The following SPAG9 variants were observed in gnomAD, a reference collection of about 807,000 sequenced individuals.
SPAG9 encodes the protein sperm associated antigen 9.
In SPAG9, 35 loss-of-function variants were observed where a neutral mutation model predicts 166.5. The ratio of observed to expected loss-of-function variants is 0.21; its 90% CI spans 0.16 to 0.28. SPAG9 has a LOEUF of 0.28. Among genes scored for constraint, SPAG9 ranks in the 10% least tolerant of loss-of-function variants. The pLI, the probability that SPAG9 is intolerant of heterozygous loss-of-function variation, is 1.00. For missense variants in SPAG9, 1,235 were observed against 1,603.3 expected, an observed-to-expected ratio of 0.77 and a Z score of 3.92; for synonymous variants, 534 against 565.5, an observed-to-expected ratio of 0.94 and a Z score of 0.79.
intron 2 of SPAG9, among the ~76,000 whole-genome samples, chr17:51,076,051 C>T (rs536117921): frequency 8.6e-5 from 13 of 150,310 alleles, no homozygotes; most frequent in South Asian, 6.3e-4. Context: ...GCCAAGATCG[C>T]GCCACTGCAC....
intron 6 of SPAG9, among the ~76,000 whole-genome samples, chr17:51,028,543 C>T (rs1348808549): frequency 2.0e-5 from 3 of 152,202 alleles, no homozygotes; most frequent in African/African-American, 7.2e-5. Context: ...ACATGCTGCA[C>T]AGGTTGCAGC....
chr17:51,119,753 T>C (rs1193411076), intron 1 of SPAG9, among the ~76,000 whole-genome samples: 4 of 152,286 alleles, frequency 2.6e-5, no homozygotes, highest in Non-Finnish European at 5.9e-5. Context: ...CGAAATTGTT[T>C]ATATATTTAT....
At chr17:50,988,130 C>T (rs992962630) in intron 21 of SPAG9, among the ~76,000 whole-genome samples, 1 of 152,118 alleles carries the variant, frequency 6.6e-6, no homozygotes, top group Non-Finnish European at 1.5e-5. Flanking sequence ...GCAGGAGAAT[C>T]GCTTGAACCT....
intron 24 of SPAG9, among the ~76,000 whole-genome samples, 166 bp from the exon 25 acceptor site, chr17:50,982,838 G>A (rs1337339246): frequency 1.3e-5 from 2 of 152,148 alleles, no homozygotes; most frequent in Non-Finnish European, 2.9e-5. Flanking sequence ...TATTCCATAA[G>A]CTGCAAAGTT....
At position 51,031,391 on chromosome 17, in the gene SPAG9, C is replaced by T. The variant is rs1257624734; in HGVS notation, c.783+290G>A. 12 of 416,972 alleles carry T rather than the reference C, an allele frequency of 2.9e-5. No individual in the cohort carries two copies. The East Asian group carries it at 5.4e-4, about 19-fold the overall frequency. The allele number at this position is 416,972 out of a possible 1,614,324, so 25.8% of individuals were successfully genotyped here. Reference sequence around the variant, plus strand: ...GAAGAAGGTATTTCTGGAAAGTATACCATTACATAGAGCTGGATAAATGCA... The same window carrying T: ...GAAGAAGGTATTTCTGGAAAGTATATCATTACATAGAGCTGGATAAATGCA... On this transcript the variant is annotated intron_variant, in intron 6 of 29. Transcript: ENST00000262013.
chr17:50,966,307 A>T lies in SPAG9; in HGVS notation c.3931T>A (p.Leu1311Met), dbSNP rs1973360144. Residue 1311 changes from leucine to methionine, a missense_variant, in exon 30 of 30, where the codon TTG (leucine) becomes ATG (methionine). This residue lies in a region of SPAG9 where 243 missense variants were observed against 358.6 expected (regional missense o/e 0.68). Coordinates refer to ENST00000262013, the MANE Select transcript of SPAG9 (RefSeq NM_001130528.3). ...PSVTKAERSH[L>M]IVWQVMYGNE ...CCATACATCACTTGCCACACTATCA[A>T]GTGACTCCTTTCTGCTTTGGTGACA... is the stretch of plus-strand genomic sequence containing the variant. 18 of 1,613,878 alleles carry T rather than the reference A, an allele frequency of 1.1e-5. No homozygotes were observed. The highest frequency in any genetic ancestry group is 1.5e-5 in the Non-Finnish European group (18 of 1,179,778).
At chr17:50,998,676 TC>T (rs2044788878) in intron 14 of SPAG9, 59 bp from the exon 15 acceptor site, 2 of 1,505,914 alleles carry the variant, frequency 1.3e-6, no homozygotes, top group East Asian at 4.5e-5. Context: ...TCCTTGATTT[TC>T]CACAAACTTT....
At chr17:51,075,324 G>GA (rs1299747141) in intron 2 of SPAG9, among the ~76,000 whole-genome samples, 3 of 151,380 alleles carry the variant, frequency 2.0e-5, no homozygotes, top group Non-Finnish European at 4.4e-5. Context: ...TAATGTATGT[G>GA]AAATAATTAG....
In SPAG9 at chr17:50,965,721, T is replaced by C. The variant is rs996690926; in HGVS notation, c.*551A>G. The C allele has an allele frequency of 6.5e-6, 1 of 152,974 alleles. No homozygotes were observed. Among genetic ancestry groups the C allele is most frequent in the Non-Finnish European group, 1.5e-5 (1 of 68,512 alleles). 9.5% of individuals were successfully genotyped at this position (152,974 alleles called of 1,614,324 possible). A position where few individuals can be genotyped will look rare whatever the true frequency, so the allele number is the denominator to read the frequency against. ...GATGAAAACAAAGTTTTATATACCA[T>C]ATAAACAAGATTTGTCAGATTTGAA... On this transcript the variant is annotated 3_prime_UTR_variant, in exon 30 of 30. Coordinates refer to ENST00000262013, the MANE Select transcript of SPAG9 (RefSeq NM_001130528.3).
chr17:51,006,242 G>A lies in SPAG9; in HGVS notation c.1272-5C>T. 1 of 1,612,872 alleles carries A rather than the reference G, an allele frequency of 6.2e-7. No homozygotes were observed. Among genetic ancestry groups the A allele is most frequent in the South Asian group, 1.1e-5 (1 of 91,020 alleles). ...TTCACTATGTTCAAAGCATTTCTAA[G>A]AAACACATATTTCAAGTGCATCATT... is the stretch of plus-strand genomic sequence containing the variant. On this transcript the variant is annotated splice_polypyrimidine_tract_variant and splice_region_variant and intron_variant, in intron 10 of 29. Transcript: ENST00000262013.
rs563368061 is a variant in SPAG9, at chr17:50,995,507, C to T, written c.1995G>A (p.Lys665=). The T allele has an allele frequency of 6.2e-7, 1 of 1,610,972 alleles. No homozygotes were observed. The highest frequency in any genetic ancestry group is 1.1e-5 in the South Asian group (1 of 90,960). ...KQVTNGQGEN[K]MKNLPVPVYL... ...AGACAGGCACAGGTAAATTTTTCAT[C>T]TTATTTTCACCTTGACCATTGGTTA... is the stretch of plus-strand genomic sequence containing the variant. Residue 665 remains lysine (K), a synonymous_variant, in exon 17 of 30, where the codon AAG becomes AAA. Coordinates refer to ENST00000262013, the MANE Select transcript of SPAG9 (RefSeq NM_001130528.3).
At chr17:51,053,852 AAAGTATATATATAT>A (rs1425501741) in intron 3 of SPAG9, among the ~76,000 whole-genome samples, 53 of 49,312 alleles carry the variant, frequency 1.1e-3, no homozygotes, top group African/African-American at 5.5e-3. Flanking sequence ...AAAAAAAAAA[AAAGTATATATATAT>A]ATATATATAT....
rs1597905148 is a variant in SPAG9, at chr17:50,982,595, C to T, written c.3166G>A (p.Val1056Ile). ...PHHSIRCMTV[V>I]HDKVWCGYRN... ...TAGCCACACCAGACTTTGTCATGTA[C>T]CACAGTCATGCAACGGATGGAATGA... The change falls in exon 25 of 30, where the codon GTA (valine) becomes ATA (isoleucine). Residue 1056 changes from valine to isoleucine, a missense_variant. Physicochemically the swap from Val to Ile is conservative, Grantham distance 29. Coordinates refer to ENST00000262013, the MANE Select transcript of SPAG9 (RefSeq NM_001130528.3). 2 of 1,613,888 alleles carry T rather than the reference C, an allele frequency of 1.2e-6. No homozygotes were observed. The highest frequency in any genetic ancestry group is 1.7e-6 in the Non-Finnish European group (2 of 1,179,868).
intron 1 of SPAG9, among the ~76,000 whole-genome samples, chr17:51,100,271 G>A (rs1053497081): frequency 6.6e-6 from 1 of 151,954 alleles, no homozygotes; most frequent in African/African-American, 2.4e-5. Context: ...AGCCAATTAT[G>A]GACTGAATTC....
Position 50,995,439 on chromosome 17 carries a change from C to T in SPAG9, c.2058+5G>A. 1 of 1,588,268 alleles carries T rather than the reference C, an allele frequency of 6.3e-7. No individual in the cohort carries two copies. The highest frequency in any genetic ancestry group is 8.6e-7 in the Non-Finnish European group (1 of 1,159,050). On this transcript the variant is annotated splice_donor_5th_base_variant and intron_variant, in intron 17 of 29. Transcript: ENST00000262013. Reference sequence around the variant, plus strand: ...ACATCTCCTTTTAATTCACAATGAACTTACCTTCATTGATGTATCTTTTTC... The same window carrying T: ...ACATCTCCTTTTAATTCACAATGAATTTACCTTCATTGATGTATCTTTTTC...
At chr17:51,022,313 T>C (rs1287225183) in intron 6 of SPAG9, among the ~76,000 whole-genome samples, 1 of 151,734 alleles carries the variant, frequency 6.6e-6, no homozygotes, top group Non-Finnish European at 1.5e-5. Flanking sequence ...GCACCAAACT[T>C]TGGGCAGTGA....
At chr17:50,970,884 A>G (rs1973736240) in intron 28 of SPAG9, 28 bp from the exon 29 acceptor site, 1 of 1,584,150 alleles carries the variant, frequency 6.3e-7, no homozygotes, top group Non-Finnish European at 8.6e-7. Context: ...AAAAGTGAAT[A>G]TTACTTATCA....
At chr17:51,087,510 T>G (rs1383639727) in intron 1 of SPAG9, among the ~76,000 whole-genome samples, 1 of 152,156 alleles carries the variant, frequency 6.6e-6, no homozygotes, top group Non-Finnish European at 1.5e-5. Flanking sequence ...TGAGAATAGT[T>G]TCTTTGTCTC....
At chr17:51,089,959 G>T (rs1476267745) in intron 1 of SPAG9, among the ~76,000 whole-genome samples, 1 of 151,386 alleles carries the variant, frequency 6.6e-6, no homozygotes, top group African/African-American at 2.4e-5. Flanking sequence ...TTACAGGCGT[G>T]AGCCACCGTG....
Sources: gnomAD v4.1 joint callset for allele counts (sites outside exome capture counted in the v4.1 genomes callset) on GRCh38, gnomAD v4.1.1 for gene constraint, gnomAD v4.1.1 regional missense constraint, MANE v1.5 for transcripts, NCBI Gene and HGNC (gene_info 2026-07-23, HGNC 2026-07-21) for gene names.